The following LSR variants were observed in gnomAD, a reference collection of about 807,000 sequenced individuals.
LSR encodes the protein lipolysis-stimulated lipoprotein receptor.
In LSR, 44 loss-of-function variants were observed where a neutral mutation model predicts 61.8. The observed-to-expected ratio is 0.71, with a 90% CI of 0.56 to 0.91. The LOEUF (loss-of-function observed/expected upper bound fraction) is 0.91. Among genes scored for constraint, LSR ranks in the 40% least tolerant of loss-of-function variants. LSR has a pLI of 0.00. For missense variants in LSR, 911 were observed against 830.5 expected (o/e 1.10, Z -1.19); for synonymous variants, 397 against 350.6 (o/e 1.13, Z -1.48).
At chr19:35,260,666 A>G (rs2065915354) in intron 3 of LSR, among the ~76,000 whole-genome samples, 1 of 152,136 alleles carries the variant, frequency 6.6e-6, no homozygotes, top group African/African-American at 2.4e-5. Context: ...GACTCTACAA[A>G]AAATTTTAAA....
At chr19:35,251,843 C>CTTTTTTTTTTTTTTTATTTTTTTTTTTT (rs778452878) in intron 2 of LSR, 1 of 121,578 alleles carries the variant, frequency 8.2e-6, no homozygotes, top group African/African-American at 3.2e-5. Context: ...GAACCTTGTT[C>CTTTTTTTTTTTTTTTATTTTTTTTTTTT]TTTTTTTTTG....
chr19:35,266,761 T>G, intron 7 of LSR, 23 bp downstream of exon 7: 1 of 1,609,556 alleles, frequency 6.2e-7, no homozygotes. Flanking sequence ...CGTCCCGAAG[T>G]TGGATGTGCC....
Position 35,266,497 on chromosome 19 carries a change from G to C in LSR, c.917G>C (p.Gly306Ala). Residue 306 changes from glycine (G) to alanine (A), a missense_variant, in exon 6 of 10, where the codon GGA becomes GCA. Transcript: ENST00000605618. ...PMGPAYNGYP[G>A]GYPGDVDRSS... ...GGCCCTGCCTACAACGGGTACCCTG[G>C]AGGATACCCTGGAGACGTTGACAGG... 4 of 1,611,278 alleles carry C rather than the reference G, an allele frequency of 2.5e-6. No individual in the cohort carries two copies. Among genetic ancestry groups the C allele is most frequent in the South Asian group, 1.1e-5 (1 of 90,728 alleles).
chr19:35,266,126 A>G (rs1362156606), intron 5 of LSR, among the ~76,000 whole-genome samples: 1 of 152,214 alleles, frequency 6.6e-6, no homozygotes, highest in African/African-American at 2.4e-5. Flanking sequence ...CACCCTCTGA[A>G]AAATCACACA....
At chr19:35,261,375 A>G (rs984870525) in intron 3 of LSR, among the ~76,000 whole-genome samples, 1 of 152,204 alleles carries the variant, frequency 6.6e-6, no homozygotes, top group Non-Finnish European at 1.5e-5. Flanking sequence ...TCAGATTTGT[A>G]AAGTAAAATT....
At chr19:35,260,422 G>A (rs1377930087) in intron 3 of LSR, among the ~76,000 whole-genome samples, 2 of 150,434 alleles carry the variant, frequency 1.3e-5, no homozygotes, top group Admixed American at 1.3e-4. Flanking sequence ...CTCCCAGGTA[G>A]CTGGGACTAC....
At chr19:35,261,703 G>A (rs370948720) in intron 3 of LSR, among the ~76,000 whole-genome samples, 1 of 152,292 alleles carries the variant, frequency 6.6e-6, no homozygotes, top group Middle Eastern at 3.4e-3. Context: ...TGGAGCCCTC[G>A]TGGCATAACA....
rs370239908 is a variant in LSR at position 35,262,855 on chromosome 19, C to T, written c.778+163C>T. 168 of 711,198 alleles carry T rather than the reference C, an allele frequency of 2.4e-4. No homozygotes were observed. The East Asian group carries it at 3.3e-3, about 14-fold the overall frequency. 44.1% of individuals were successfully genotyped at this position (711,198 alleles called of 1,614,324 possible). ...GAGGAGGGTCTGCTGTTTAGATTGTCGTTTACTTCCTCCAACTTTTAGTTT... is the reference window on the plus strand; with the variant it reads ...GAGGAGGGTCTGCTGTTTAGATTGTTGTTTACTTCCTCCAACTTTTAGTTT... On this transcript the variant is annotated intron_variant, in intron 5 of 9. Coordinates refer to ENST00000605618, the MANE Select transcript of LSR (RefSeq NM_205834.4).
chr19:35,249,658 G>A (rs1455485391), intron 1 of LSR, among the ~76,000 whole-genome samples: 1 of 152,200 alleles, frequency 6.6e-6, no homozygotes, highest in Non-Finnish European at 1.5e-5. Flanking sequence ...TAAGAGTCTG[G>A]TGGGATGGAT....
chr19:35,251,023 T>C (rs932136536), intron 2 of LSR, among the ~76,000 whole-genome samples: 4 of 152,164 alleles, frequency 2.6e-5, no homozygotes, highest in Non-Finnish European at 4.4e-5. Context: ...CTCAAACTCC[T>C]GACCTCAAAT....
rs1568450985 is a variant in LSR at position 35,267,744 on chromosome 19, GCCCTCCCTGGCGTCCAGA to G, written c.1770+13_1770+30del. The stretch of plus-strand genomic sequence containing the variant: ...GCGCAGGCTCAAGAAGGTGAGGGCC[GCCCTCCCTGGCGTCCAGA>G]CCGTCCCTGGGCCCCCAGCCGGTCC... On this transcript the variant is annotated intron_variant, in intron 9 of 9. Transcript: ENST00000605618. 1 of 1,610,426 alleles carries G rather than the reference GCCCTCCCTGGCGTCCAGA, an allele frequency of 6.2e-7. No homozygotes were observed. The highest frequency in any genetic ancestry group is 8.5e-7 in the Non-Finnish European group (1 of 1,178,858).
intron 5 of LSR, 143 bp downstream of exon 5, chr19:35,262,835 G>A (rs1340118798): frequency 5.4e-6 from 5 of 926,770 alleles, no homozygotes; most frequent in Non-Finnish European, 7.9e-6. Context: ...AGGCTGAGGA[G>A]GGTCTGCTGT....
intron 2 of LSR, among the ~76,000 whole-genome samples, chr19:35,258,017 T>A (rs1302116631): frequency 6.6e-6 from 1 of 152,152 alleles, no homozygotes; most frequent in Non-Finnish European, 1.5e-5. Context: ...GGGCATCTCC[T>A]GGTACCTAGA....
At chr19:35,265,756 C>T (rs529958344) in intron 5 of LSR, among the ~76,000 whole-genome samples, 245 of 152,218 alleles carry the variant, frequency 1.6e-3, no homozygotes, top group African/African-American at 5.5e-3. Flanking sequence ...GCTGCTTGGC[C>T]GGGGCAGGCA....
Position 35,267,929 on chromosome 19 carries a change from T to C in LSR, c.*70T>C. 1 of 1,526,112 alleles carries C rather than the reference T, an allele frequency of 6.6e-7. No homozygotes were observed. Among genetic ancestry groups the C allele is most frequent in the African/African-American group, 1.4e-5 (1 of 72,736 alleles). 94.5% of individuals were successfully genotyped at this position (1,526,112 alleles called of 1,614,324 possible). ...AAGGAACACTGATGAAGCCCTGCCA[T>C]ACCCCTCCCGAGTCTAATAAAACGT... On this transcript the variant is annotated 3_prime_UTR_variant, in exon 10 of 10. Transcript: ENST00000605618.
At chr19:35,254,613 T>C (rs2065834656) in intron 2 of LSR, among the ~76,000 whole-genome samples, 1 of 152,154 alleles carries the variant, frequency 6.6e-6, no homozygotes, top group Non-Finnish European at 1.5e-5. Flanking sequence ...CCATGGGACC[T>C]CTGAAATCAT....
chr19:35,267,392 GCCCC>G lies in LSR; in HGVS notation c.1430_1433del (p.Pro477ArgfsTer70). The G allele has an allele frequency of 6.2e-7, 1 of 1,605,716 alleles. No homozygotes were observed. Among genetic ancestry groups the G allele is most frequent in the Non-Finnish European group, 8.5e-7 (1 of 1,176,942 alleles). ...ATGGTGGGAGAAGCCGGGCCTACAT[GCCCC>G]CGCGGAGCCGCAGCCGGGACGACCT... is the stretch of plus-strand genomic sequence containing the variant. On this transcript the variant is annotated frameshift_variant, in exon 9 of 10. Transcript: ENST00000605618. LOFTEE classifies it high-confidence loss of function.
chr19:35,253,222 A>C (rs2065816987), intron 2 of LSR: 1 of 152,320 alleles, frequency 6.6e-6, no homozygotes, highest in African/African-American at 2.4e-5. Context: ...CGGGAGGCTG[A>C]GGCAGGAGAA....
At chr19:35,261,397 G>C (rs969845821) in intron 3 of LSR, among the ~76,000 whole-genome samples, 4 of 152,178 alleles carry the variant, frequency 2.6e-5, no homozygotes, top group African/African-American at 9.7e-5. Flanking sequence ...AACCATTTCA[G>C]CCAGGTGTGG....
Sources: allele counts gnomAD v4.1 joint callset (sites outside exome capture counted in the v4.1 genomes callset), GRCh38; gene constraint gnomAD v4.1.1; transcripts MANE v1.5; gene names NCBI Gene and HGNC (gene_info 2026-07-23, HGNC 2026-07-21).